The following IFNG-AS1 variants were observed in gnomAD, a reference collection of about 807,000 sequenced individuals.
The protein encoded by IFNG-AS1 is IFNG antisense RNA 1 (non-protein coding).
chr12:68,000,519 A>G (rs1476612723), intron 2 of IFNG-AS1, among the ~76,000 whole-genome samples: 1 of 152,030 alleles, frequency 6.6e-6, no homozygotes, highest in African/African-American at 2.4e-5. Flanking sequence ...ATAAAAATAA[A>G]AAACTAACCA....
chr12:68,008,409 C>G (rs575840083), intron 3 of IFNG-AS1, among the ~76,000 whole-genome samples: 1 of 36,848 alleles, frequency 2.7e-5, no homozygotes, highest in South Asian at 1.3e-3. Context: ...GCACGAGACA[C>G]CATCTCAAAA....
rs147372219 is a variant in IFNG-AS1, at chr12:67,999,190, T to C, written n.184+3117T>C. On this transcript the variant is annotated intron_variant and non_coding_transcript_variant, in intron 2 of 5. Transcript: ENST00000536914. ...CTCGTGGTGATAGATAAATGATAGA[T>C]AGATAATAGATGATACAGAGATAGA... 3.2e-3 allele frequency among the ~76,000 whole-genome samples: 494 copies of C among 152,246 alleles called. 2 individuals are homozygous for C. Among genetic ancestry groups the C allele is most frequent in the African/African-American group, 0.011 (451 of 41,550 alleles).
chr12:67,997,586 T>C (rs1454777308), intron 2 of IFNG-AS1, among the ~76,000 whole-genome samples: 1 of 151,126 alleles, frequency 6.6e-6, no homozygotes. Context: ...AACGTTGGTA[T>C]AGGGAAAGAT....
At chr12:67,990,356 G>A (rs1267269640) in intron 1 of IFNG-AS1, among the ~76,000 whole-genome samples, 1 of 152,162 alleles carries the variant, frequency 6.6e-6, no homozygotes, top group African/African-American at 2.4e-5. Flanking sequence ...ATGGGAGAAT[G>A]TTTCTCAGCT....
chr12:68,007,334 A>G (rs1208760824), intron 3 of IFNG-AS1, among the ~76,000 whole-genome samples: 1 of 152,260 alleles, frequency 6.6e-6, no homozygotes, highest in African/African-American at 2.4e-5. Context: ...ATGCAGCTCT[A>G]CTAATTGTCA....
intron 2 of IFNG-AS1, among the ~76,000 whole-genome samples, chr12:68,000,792 C>T (rs953764531): frequency 2.0e-5 from 3 of 152,036 alleles, no homozygotes; most frequent in African/African-American, 7.2e-5. Flanking sequence ...TTTTTTTCTG[C>T]TATTGTTCAT....
chr12:67,997,580 T>A (rs1018398705), intron 2 of IFNG-AS1, among the ~76,000 whole-genome samples: 1 of 151,656 alleles, frequency 6.6e-6, no homozygotes, highest in African/African-American at 2.4e-5. Flanking sequence ...CTATTTAACG[T>A]TGGTATAGGG....
intron 2 of IFNG-AS1, among the ~76,000 whole-genome samples, chr12:68,003,856 G>A (rs1432502686): frequency 2.7e-5 from 4 of 150,538 alleles, no homozygotes; most frequent in Non-Finnish European, 4.4e-5. Flanking sequence ...GCAGTGAACC[G>A]AGATCGCCCC....
At chr12:68,015,204 A>G (rs905260618) in intron 3 of IFNG-AS1, among the ~76,000 whole-genome samples, 1 of 152,152 alleles carries the variant, frequency 6.6e-6, no homozygotes, top group African/African-American at 2.4e-5. Flanking sequence ...TTTAGCTGAC[A>G]ATGCAGGCAG....
At chr12:67,996,602 G>A (rs1468487) in intron 2 of IFNG-AS1, among the ~76,000 whole-genome samples, 94,425 of 151,894 alleles carry the variant, frequency 0.62, 29,748 homozygotes, top group Middle Eastern at 0.69. Flanking sequence ...CCTACAATGA[G>A]TAACAGAACT....
intron 3 of IFNG-AS1, among the ~76,000 whole-genome samples, chr12:68,018,237 T>C (rs576829639): frequency 1.3e-5 from 2 of 152,260 alleles, no homozygotes; most frequent in Non-Finnish European, 2.9e-5. Context: ...GAACAAGACT[T>C]AGAACTTTTG....
chr12:68,002,661 G>A (rs371795549), intron 2 of IFNG-AS1, among the ~76,000 whole-genome samples: 12 of 152,174 alleles, frequency 7.9e-5, no homozygotes, highest in African/African-American at 2.7e-4. Context: ...TTCTCTGCAT[G>A]AGATGGCACC....
At chr12:68,015,509 C>G (rs1880131253) in intron 3 of IFNG-AS1, among the ~76,000 whole-genome samples, 1 of 152,100 alleles carries the variant, frequency 6.6e-6, no homozygotes, top group Non-Finnish European at 1.5e-5. Flanking sequence ...TACTTTGAAG[C>G]CTCTAAAGTT....
chr12:68,007,246 A>G (rs1301605050), intron 3 of IFNG-AS1, among the ~76,000 whole-genome samples: 1 of 152,186 alleles, frequency 6.6e-6, no homozygotes, highest in Non-Finnish European at 1.5e-5. Context: ...GAATTAAAGG[A>G]CTTCAGTTAT....
intron 2 of IFNG-AS1, among the ~76,000 whole-genome samples, chr12:67,999,141 A>C (rs1294173001): frequency 6.6e-6 from 1 of 152,204 alleles, no homozygotes. Flanking sequence ...ATAGATAGAT[A>C]TAAATAGGAA....
chr12:68,013,733 G>A (rs774490368), intron 3 of IFNG-AS1: 2 of 152,222 alleles, frequency 1.3e-5, no homozygotes, highest in Non-Finnish European at 2.9e-5. Context: ...ATCGGTTGAT[G>A]CCTTGATCAG....
At chr12:68,006,292 A>G (rs992372221) in intron 3 of IFNG-AS1, 6 of 152,112 alleles carry the variant, frequency 3.9e-5, no homozygotes. Flanking sequence ...ATAATTTTCA[A>G]AAAAATTCCG....
At chr12:68,013,858 T>C (rs1565692015) in intron 3 of IFNG-AS1, among the ~76,000 whole-genome samples, 1 of 152,172 alleles carries the variant, frequency 6.6e-6, no homozygotes, top group East Asian at 1.9e-4. Flanking sequence ...AGTTATTTAG[T>C]GGTGATTTGT....
intron 3 of IFNG-AS1, among the ~76,000 whole-genome samples, chr12:68,015,288 C>T (rs1200935645): frequency 6.6e-6 from 1 of 152,140 alleles, no homozygotes; most frequent in Non-Finnish European, 1.5e-5. Context: ...TGTGGGGTCA[C>T]ATGCTTCTCC....
Sources: allele counts gnomAD v4.1 joint callset (sites outside exome capture counted in the v4.1 genomes callset), GRCh38; gene constraint gnomAD v4.1.1; transcripts MANE v1.5; gene names NCBI Gene and HGNC (gene_info 2026-07-23, HGNC 2026-07-21).